The following PRH1 variants were observed in gnomAD, a reference collection of about 807,000 sequenced individuals.
PRH1 encodes salivary acidic proline-rich phosphoprotein 1/2.
In PRH1, 7 loss-of-function variants were observed where a neutral mutation model predicts 7.9. That is an observed-to-expected ratio of 0.89 (90% CI 0.50 to 1.67). The LOEUF is 1.67. Among genes scored for constraint, PRH1 ranks in the 40% most tolerant of loss-of-function variants. The pLI is 0.00. For missense variants in PRH1, 109 were observed against 223.6 expected, an observed-to-expected ratio of 0.49 and a Z score of 3.27; for synonymous variants, 45 against 80.8, an observed-to-expected ratio of 0.56 and a Z score of 2.38.
At chr12:10,968,097 A>G (rs969252055) in intron 2 of PRH1, among the ~76,000 whole-genome samples, 1 of 144,610 alleles carries the variant, frequency 6.9e-6, no homozygotes, top group African/African-American at 2.5e-5. Context: ...AAAATAAATA[A>G]ATAATAAAAA....
intron 2 of PRH1, among the ~76,000 whole-genome samples, chr12:10,927,178 T>C (rs1950134866): frequency 6.6e-6 from 1 of 152,220 alleles, no homozygotes; most frequent in South Asian, 2.1e-4. Flanking sequence ...TTTCCTGTAC[T>C]CTGCTGCCAA....
intron 2 of PRH1, among the ~76,000 whole-genome samples, chr12:10,933,507 A>T (rs1950242827): frequency 6.6e-6 from 1 of 152,094 alleles, no homozygotes; most frequent in African/African-American, 2.4e-5. Context: ...AAACAAATTA[A>T]AGTGATATAT....
At chr12:11,008,386 T>C (rs1444759734) in intron 1 of PRH1, among the ~76,000 whole-genome samples, 1 of 151,990 alleles carries the variant, frequency 6.6e-6, no homozygotes, top group Non-Finnish European at 1.5e-5. Flanking sequence ...AATAGAGCAA[T>C]GTATCATAAA....
intron 1 of PRH1, among the ~76,000 whole-genome samples, chr12:11,015,712 G>A (rs1247073566): frequency 6.6e-6 from 1 of 152,088 alleles, no homozygotes; most frequent in Non-Finnish European, 1.5e-5. Context: ...CTTCACTTAG[G>A]AGGTATGTAG....
chr12:10,927,788 C>T (rs527804890), intron 2 of PRH1, among the ~76,000 whole-genome samples: 8 of 152,218 alleles, frequency 5.3e-5, no homozygotes, highest in South Asian at 2.1e-4. Context: ...AAACACTAGC[C>T]GTGCACAAAA....
At chr12:11,117,863 A>C (rs549131596), downstream of PRH1, among the ~76,000 whole-genome samples, 7 of 152,354 alleles carry the variant, frequency 4.6e-5, no homozygotes, top group South Asian at 2.1e-4. Flanking sequence ...CTGAATATCC[A>C]TATGCAGAAG....
chr12:10,908,758 AT>A (rs1949846745), intron 2 of PRH1: 1 of 1,613,870 alleles, frequency 6.2e-7, no homozygotes, highest in African/African-American at 1.3e-5. Flanking sequence ...GTCATAGTGA[AT>A]TTGACCGACA....
intron 1 of PRH1, among the ~76,000 whole-genome samples, chr12:11,142,023 G>T (rs1565697587): frequency 6.6e-6 from 1 of 152,018 alleles, no homozygotes; most frequent in Non-Finnish European, 1.5e-5. Context: ...CAACTCATGT[G>T]CTCAAGTGGT....
chr12:11,096,924 A>C (rs1348101793), intron 1 of PRH1, among the ~76,000 whole-genome samples: 4 of 112,900 alleles, frequency 3.5e-5, no homozygotes, highest in African/African-American at 9.0e-5. Flanking sequence ...CAGCCTCCCA[A>C]GTAGCTGGGA....
intron 1 of PRH1, among the ~76,000 whole-genome samples, chr12:10,988,382 T>A (rs553553608): frequency 6.6e-6 from 1 of 152,178 alleles, no homozygotes; most frequent in Non-Finnish European, 1.5e-5. Flanking sequence ...GTGAGGTAGA[T>A]AATTAAAGGT....
intron 1 of PRH1, chr12:11,022,366 G>C: frequency 1.2e-6 from 2 of 1,614,096 alleles, no homozygotes; most frequent in East Asian, 2.2e-5. Flanking sequence ...ATTAAACACA[G>C]TTGCATACCA....
intron 1 of PRH1, among the ~76,000 whole-genome samples, chr12:11,106,549 A>T (rs1196808260): frequency 6.6e-6 from 1 of 152,026 alleles, no homozygotes; most frequent in Non-Finnish European, 1.5e-5. Flanking sequence ...TGGGCTACTT[A>T]AAAAACACGT....
intron 2 of PRH1, among the ~76,000 whole-genome samples, chr12:10,919,586 A>C (rs1950017994): frequency 6.6e-6 from 1 of 152,128 alleles, no homozygotes; most frequent in Admixed American, 6.5e-5. Flanking sequence ...CATCTAATGT[A>C]GTTTTTCTGT....
chr12:10,909,176 C>G (rs752675025), intron 2 of PRH1: 1 of 1,613,952 alleles, frequency 6.2e-7, no homozygotes. Context: ...CGACTGAGGA[C>G]AGCTCTCTTT....
intron 1 of PRH1, chr12:11,092,432 A>C (rs1944954951): frequency 6.3e-6 from 2 of 318,378 alleles, no homozygotes; most frequent in African/African-American, 2.5e-5. Context: ...AAGCTTCCAC[A>C]GAGTGAAAGG....
At chr12:10,935,086 G>A (rs1950267916) in intron 2 of PRH1, among the ~76,000 whole-genome samples, 1 of 152,110 alleles carries the variant, frequency 6.6e-6, no homozygotes, top group African/African-American at 2.4e-5. Context: ...TTTACTGAAT[G>A]AATCCAGAGG....
At chr12:11,065,116 G>T (rs1034170212) in intron 1 of PRH1, among the ~76,000 whole-genome samples, 1 of 151,936 alleles carries the variant, frequency 6.6e-6, no homozygotes, top group Admixed American at 6.6e-5. Context: ...GTTTATCAAG[G>T]TCTATTCTAC....
chr12:10,956,475 G>T (rs1478770460), intron 2 of PRH1, among the ~76,000 whole-genome samples: 1 of 152,048 alleles, frequency 6.6e-6, no homozygotes, highest in Non-Finnish European at 1.5e-5. Flanking sequence ...ATACTAAATG[G>T]GCAAAACTGG....
At chr12:10,997,983 A>G (rs1207157462) in intron 1 of PRH1, 6 of 678,766 alleles carry the variant, frequency 8.8e-6, no homozygotes, top group Non-Finnish European at 2.4e-6. Flanking sequence ...TGAATGTCCA[A>G]TAACATTCTT....
Sources: allele counts gnomAD v4.1 joint callset (sites outside exome capture counted in the v4.1 genomes callset), GRCh38; gene constraint gnomAD v4.1.1; transcripts MANE v1.5; gene names NCBI Gene and HGNC (gene_info 2026-07-23, HGNC 2026-07-21).